Variants in ALCAM observed in about 807,000 individuals in gnomAD.
ALCAM encodes the protein activated leukocyte cell adhesion molecule.
Under a neutral mutation model 70.9 loss-of-function variants are expected in ALCAM, and 30 were observed. The observed-to-expected ratio is 0.42, with a 90% CI of 0.32 to 0.57. The LOEUF is 0.57. Among genes scored for constraint, ALCAM ranks in the 20% least tolerant of loss-of-function variants. The pLI, the probability that ALCAM is intolerant of heterozygous loss-of-function variation, is 0.11. For synonymous variants in ALCAM, 249 were observed against 242.5 expected, an observed-to-expected ratio of 1.03 and a Z score of -0.25; for missense variants, 591 against 695.1, an observed-to-expected ratio of 0.85 and a Z score of 1.68.
At chr3:105,456,730 T>A (rs1165970810) in intron 1 of ALCAM, among the ~76,000 whole-genome samples, 1 of 152,190 alleles carries the variant, frequency 6.6e-6, no homozygotes, top group Non-Finnish European at 1.5e-5. Flanking sequence ...AAAGCCATTT[T>A]ACATTTCTCT....
chr3:105,461,831 C>T (rs1937608861), intron 1 of ALCAM, among the ~76,000 whole-genome samples: 1 of 151,586 alleles, frequency 6.6e-6, no homozygotes, highest in African/African-American at 2.4e-5. Context: ...ATTTATTGAG[C>T]ACCTACTGTG....
rs1301819901 is a variant in ALCAM, at chr3:105,574,850, TG to T, written c.*400del. On this transcript the variant is annotated 3_prime_UTR_variant, in exon 16 of 16. Coordinates refer to ENST00000306107, the MANE Select transcript of ALCAM (RefSeq NM_001627.4). Reference sequence around the variant, plus strand: ...TATAATGTAATGTTTTTATTTCAATTGTTTATATGGATAATCTGAGCAGGTA... The same window carrying T: ...TATAATGTAATGTTTTTATTTCAATTTTTATATGGATAATCTGAGCAGGTA... 6.6e-6 allele frequency: 1 copy of T among 152,662 alleles called. No individual in the cohort carries two copies. Among genetic ancestry groups the T allele is most frequent in the Admixed American group, 6.5e-5 (1 of 15,278 alleles). The allele number at this position is 152,662 out of a possible 1,614,324, so 9.5% of individuals were successfully genotyped here.
intron 6 of ALCAM, among the ~76,000 whole-genome samples, chr3:105,536,557 G>T (rs1385019614): frequency 6.6e-6 from 1 of 152,174 alleles, no homozygotes; most frequent in Non-Finnish European, 1.5e-5. Flanking sequence ...GAGTTGGGTA[G>T]ACGGAGAAGT....
At chr3:105,435,778 T>G (rs575842729) in intron 1 of ALCAM, among the ~76,000 whole-genome samples, 6 of 150,600 alleles carry the variant, frequency 4.0e-5, no homozygotes, top group South Asian at 2.1e-4. Flanking sequence ...GAAAAAGAGG[T>G]TTTTTTTTGT....
chr3:105,459,769 T>C (rs1179089234), intron 1 of ALCAM, among the ~76,000 whole-genome samples: 1 of 152,092 alleles, frequency 6.6e-6, no homozygotes, highest in Non-Finnish European at 1.5e-5. Flanking sequence ...ACATCATTGC[T>C]GTGTGATTAA....
chr3:105,463,015 A>G (rs1937625504), intron 1 of ALCAM, among the ~76,000 whole-genome samples: 1 of 151,438 alleles, frequency 6.6e-6, no homozygotes. Flanking sequence ...TTAAATCTGT[A>G]TCTTGGATAT....
At chr3:105,551,302 C>A (rs1013177375) in intron 12 of ALCAM, among the ~76,000 whole-genome samples, 4 of 151,572 alleles carry the variant, frequency 2.6e-5, no homozygotes, top group African/African-American at 7.3e-5. Flanking sequence ...GAGAACCTAC[C>A]CTTTCTTCCT....
intron 1 of ALCAM, among the ~76,000 whole-genome samples, chr3:105,375,826 T>C (rs1037504604): frequency 1.3e-5 from 2 of 152,134 alleles, no homozygotes; most frequent in African/African-American, 2.4e-5. Context: ...GTTGTATCAG[T>C]CAGAAAAGGC....
chr3:105,369,436 G>A (rs1160730175), intron 1 of ALCAM, among the ~76,000 whole-genome samples: 2 of 152,196 alleles, frequency 1.3e-5, no homozygotes, highest in South Asian at 2.1e-4. Flanking sequence ...CTGAGGATCC[G>A]ATATCGGCCC....
At chr3:105,480,384 A>T (rs1159235883) in intron 1 of ALCAM, among the ~76,000 whole-genome samples, 2 of 151,962 alleles carry the variant, frequency 1.3e-5, no homozygotes, top group Non-Finnish European at 2.9e-5. Flanking sequence ...TAAATAAATA[A>T]ATAAATTGCT....
chr3:105,517,966 A>T (rs756241481), intron 1 of ALCAM, among the ~76,000 whole-genome samples: 1 of 152,118 alleles, frequency 6.6e-6, no homozygotes, highest in Non-Finnish European at 1.5e-5. Context: ...TGCTTTCATC[A>T]TGCCAATACA....
At chr3:105,499,383 A>T (rs2152615304) in intron 1 of ALCAM, among the ~76,000 whole-genome samples, 1 of 152,216 alleles carries the variant, frequency 6.6e-6, no homozygotes, top group African/African-American at 2.4e-5. Flanking sequence ...AAATTATGTG[A>T]CTCTTTCATA....
chr3:105,441,659 T>A (rs1937173460), intron 1 of ALCAM, among the ~76,000 whole-genome samples: 1 of 152,352 alleles, frequency 6.6e-6, no homozygotes, highest in South Asian at 2.1e-4. Context: ...TTCCATACCC[T>A]TCATAATTCA....
At chr3:105,432,908 A>G (rs1936968871) in intron 1 of ALCAM, among the ~76,000 whole-genome samples, 1 of 152,142 alleles carries the variant, frequency 6.6e-6, no homozygotes, top group Non-Finnish European at 1.5e-5. Context: ...GTGAAACGTA[A>G]CAGGAGCATA....
rs879915272 is a variant in ALCAM at position 105,534,647 on chromosome 3, TC to T, written c.548-15del. 4.3e-6 allele frequency: 7 copies of T among 1,611,628 alleles called. No individual in the cohort carries two copies. Among genetic ancestry groups the T allele is most frequent in the Non-Finnish European group, 5.9e-6 (7 of 1,177,998 alleles). ...AGATGAAAGACCCTATCATCAGTGT[TC>T]TTTATTTTCTTCAGCGGTGGTCATA... On this transcript the variant is annotated splice_polypyrimidine_tract_variant and intron_variant, in intron 5 of 15. Coordinates refer to ENST00000306107, the MANE Select transcript of ALCAM (RefSeq NM_001627.4).
At chr3:105,508,700 C>G (rs565408398) in intron 1 of ALCAM, among the ~76,000 whole-genome samples, 1 of 152,248 alleles carries the variant, frequency 6.6e-6, no homozygotes, top group South Asian at 2.1e-4. Context: ...ACATATCACT[C>G]TCCTCACATA....
At chr3:105,403,897 C>G (rs1340281364) in intron 1 of ALCAM, among the ~76,000 whole-genome samples, 1 of 150,958 alleles carries the variant, frequency 6.6e-6, no homozygotes, top group East Asian at 2.0e-4. Flanking sequence ...AAAAAACAAT[C>G]ACAACTTCTA....
Position 105,484,801 on chromosome 3 carries a change from A to G in ALCAM, c.74-35266A>G, listed in dbSNP as rs565699270. ...GAAACATGTGGAATAAACAGCTGTC[A>G]TGGACATGTGCCACCAGAAGAAAAG... On this transcript the variant is annotated intron_variant, in intron 1 of 15. Transcript: ENST00000306107. 1.5e-3 allele frequency among the ~76,000 whole-genome samples: 228 copies of G among 152,230 alleles called. 1 individual carries two copies. Among genetic ancestry groups the G allele is most frequent in the African/African-American group, 5.1e-3 (213 of 41,574 alleles).
In ALCAM at chr3:105,404,364, C is replaced by G. The variant is rs146487771; in HGVS notation, c.73+36883C>G. ...CATCAGGTAACCTACAAAGGAAAAC[C>G]TATCAGATTAACAGCACATTTCTCA... On this transcript the variant is annotated intron_variant, in intron 1 of 15. Coordinates refer to ENST00000306107, the MANE Select transcript of ALCAM (RefSeq NM_001627.4). Among the ~76,000 whole-genome samples, 1,504 of 152,140 alleles carry G rather than the reference C, an allele frequency of 9.9e-3. 13 individuals are homozygous for G. The highest frequency in any genetic ancestry group is 0.036 in the East Asian group (188 of 5,162).
Sources: gnomAD v4.1 joint callset for allele counts (sites outside exome capture counted in the v4.1 genomes callset) on GRCh38, gnomAD v4.1.1 for gene constraint, MANE v1.5 for transcripts, NCBI Gene and HGNC (gene_info 2026-07-23, HGNC 2026-07-21) for gene names.